Variants in PLCZ1 observed in about 807,000 individuals in gnomAD.
PLCZ1 encodes 1-phosphatidylinositol 4,5-bisphosphate phosphodiesterase zeta-1.
PLCZ1 carries 64 observed loss-of-function variants against 76.8 expected under a neutral mutation model. That is an observed-to-expected ratio of 0.83 (90% CI 0.68 to 1.03). The LOEUF (loss-of-function observed/expected upper bound fraction) is 1.03. Ranked by LOEUF, PLCZ1 falls within the 50% of genes least tolerant of loss-of-function variation. The pLI, the probability that PLCZ1 is intolerant of heterozygous loss-of-function variation, is 0.00. For missense variants in PLCZ1, 751 were observed against 713.7 expected, an observed-to-expected ratio of 1.05 and a Z score of -0.60; for synonymous variants, 248 against 230.8, an observed-to-expected ratio of 1.07 and a Z score of -0.68.
chr12:18,696,909 C>T (rs1219198626), intron 10 of PLCZ1, among the ~76,000 whole-genome samples: 2 of 152,106 alleles, frequency 1.3e-5, no homozygotes, highest in Non-Finnish European at 2.9e-5. Context: ...CTGGGATAAT[C>T]TCTACGTATT....
At chr12:18,670,634 T>C in the PLCZ1 span, among the ~76,000 whole-genome samples, 2 of 152,190 alleles carry the variant, frequency 1.3e-5, no homozygotes, top group Non-Finnish European at 2.9e-5. Flanking sequence ...GCTTGGAATA[T>C]GGTAAGTGGG....
Position 18,712,918 on chromosome 12 carries a change from AC to A in PLCZ1, c.637del (p.Val213TyrfsTer26). ...CWDGAQNEPV[V>X]YHGYTLTSKL... ...GCTTGTGAGTGTGTAGCCATGATAT[AC>A]AACAGGTTCATTTTGTGCTCCATCC... On this transcript the variant is annotated frameshift_variant, in exon 6 of 15. Coordinates refer to ENST00000266505, the MANE Select transcript of PLCZ1 (RefSeq NM_033123.4). LOFTEE classifies it high-confidence loss of function. 6.2e-7 allele frequency: 1 copy of A among 1,613,988 alleles called. No individual in the cohort carries two copies. Among genetic ancestry groups the A allele is most frequent in the Non-Finnish European group, 8.5e-7 (1 of 1,179,888 alleles).
At chr12:18,652,806 TTA>T in the PLCZ1 span, among the ~76,000 whole-genome samples, 1,843 of 152,248 alleles carry the variant, frequency 0.012, 29 homozygotes, top group African/African-American at 0.042. Flanking sequence ...GAAAGAATTA[TTA>T]TGTCTCCAGA....
intron 12 of PLCZ1, chr12:18,694,181 G>A (rs1283354687): frequency 5.6e-5 from 37 of 662,082 alleles, no homozygotes; most frequent in Non-Finnish European, 9.2e-5. Context: ...TTGCCCAGAG[G>A]AATCTCTGTT....
chr12:18,684,530 G>A (rs958213059), intron 13 of PLCZ1, among the ~76,000 whole-genome samples: 5 of 152,094 alleles, frequency 3.3e-5, no homozygotes, highest in African/African-American at 9.6e-5. Context: ...CCATCAGGGT[G>A]GGATGGGAAA....
intron 3 of PLCZ1, among the ~76,000 whole-genome samples, chr12:18,729,723 G>C (rs1202393918): frequency 2.0e-5 from 3 of 151,842 alleles, no homozygotes; most frequent in African/African-American, 4.8e-5. Context: ...AAAAGCAATA[G>C]GCTTTTTTAG....
intron 6 of PLCZ1, among the ~76,000 whole-genome samples, chr12:18,708,488 A>G (rs1232666712): frequency 6.6e-6 from 1 of 152,158 alleles, no homozygotes; most frequent in Non-Finnish European, 1.5e-5. Flanking sequence ...CAAAAACTTT[A>G]TGAGATGGTT....
At chr12:18,677,018 C>T in the PLCZ1 span, among the ~76,000 whole-genome samples, 2 of 151,948 alleles carry the variant, frequency 1.3e-5, no homozygotes, top group African/African-American at 2.4e-5. Context: ...CATAAATCAC[C>T]ATGAACAATA....
the PLCZ1 span, chr12:18,648,295 T>G: frequency 4.1e-6 from 1 of 241,838 alleles, no homozygotes; most frequent in East Asian, 6.0e-5. Context: ...TAAATCATTT[T>G]AATATATTTT....
chr12:18,735,965 G>A (rs1295471512), intron 3 of PLCZ1: 1 of 340,128 alleles, frequency 2.9e-6, no homozygotes, highest in East Asian at 6.6e-5. Flanking sequence ...GATATAATTA[G>A]ACATCCAATC....
the PLCZ1 span, among the ~76,000 whole-genome samples, chr12:18,650,752 A>G: frequency 0.21 from 20,671 of 99,804 alleles, 2,847 homozygotes; most frequent in East Asian, 0.39. Context: ...ATATATATAT[A>G]TATATATATA....
chr12:18,656,206 A>C, the PLCZ1 span, among the ~76,000 whole-genome samples: 51 of 152,228 alleles, frequency 3.4e-4, no homozygotes, highest in African/African-American at 1.2e-3. Flanking sequence ...AGACGGAAGC[A>C]TCATTTGAGC....
chr12:18,733,416 G>C lies in PLCZ1; in HGVS notation c.135+2805C>G, dbSNP rs80105946. Among the ~76,000 whole-genome samples, 1,144 of 152,094 alleles carry C rather than the reference G, an allele frequency of 7.5e-3. 11 individuals are homozygous for C. The highest frequency in any genetic ancestry group is 0.026 in the African/African-American group (1,094 of 41,508). ...TGTAAATTGGCTTTACATTTTTGTT[G>C]ATTGTTTCCTTTGCTGTGCAATAGC... On this transcript the variant is annotated intron_variant, in intron 3 of 14. Transcript: ENST00000266505.
intron 4 of PLCZ1, among the ~76,000 whole-genome samples, chr12:18,720,676 G>A (rs1958385951): frequency 1.3e-5 from 2 of 151,974 alleles, no homozygotes; most frequent in South Asian, 2.1e-4. Context: ...GGTGACATGA[G>A]CATTCACTTG....
the PLCZ1 span, among the ~76,000 whole-genome samples, chr12:18,668,777 G>A: frequency 3.9e-5 from 6 of 152,116 alleles, no homozygotes; most frequent in Non-Finnish European, 1.5e-5. Context: ...AATGCTGCCT[G>A]CTGATATTCA....
At chr12:18,697,061 C>A (rs1955165862) in intron 10 of PLCZ1, among the ~76,000 whole-genome samples, 1 of 152,078 alleles carries the variant, frequency 6.6e-6, no homozygotes, top group Admixed American at 6.6e-5. Flanking sequence ...CCATTTGGCA[C>A]CTTCTTCAAA....
In PLCZ1 at chr12:18,712,866, T is replaced by C. The variant is rs1957508416; in HGVS notation, c.690A>G (p.Gln230=). Residue 230 remains glutamine (Q), a synonymous_variant, in exon 6 of 15, where the codon CAA becomes CAG. Coordinates refer to ENST00000266505, the MANE Select transcript of PLCZ1 (RefSeq NM_033123.4). ...TSKLLFKTVI[Q]AIHKYAFMTS... is the part of the protein sequence containing the mutation. ...CCATGAATGCATACTTGTGTATAGCTTGGATAACAGTTTTAAACAGAAGTT... is the reference window on the plus strand; with the variant it reads ...CCATGAATGCATACTTGTGTATAGCCTGGATAACAGTTTTAAACAGAAGTT... 6.2e-7 allele frequency: 1 copy of C among 1,613,722 alleles called. No individual in the cohort carries two copies. Among genetic ancestry groups the C allele is most frequent in the Admixed American group, 1.7e-5 (1 of 59,996 alleles).
At chr12:18,649,660 A>C in the PLCZ1 span, among the ~76,000 whole-genome samples, 4 of 152,088 alleles carry the variant, frequency 2.6e-5, no homozygotes, top group Non-Finnish European at 4.4e-5. Flanking sequence ...ATTTGCTCCC[A>C]CCATTTCAAT....
At chr12:18,665,635 A>G in the PLCZ1 span, among the ~76,000 whole-genome samples, 1 of 152,068 alleles carries the variant, frequency 6.6e-6, no homozygotes, top group African/African-American at 2.4e-5. Context: ...TGTACTGAAA[A>G]TACAAAAATT....
Sources: allele counts gnomAD v4.1 joint callset (sites outside exome capture counted in the v4.1 genomes callset), GRCh38; gene constraint gnomAD v4.1.1; transcripts MANE v1.5; gene names NCBI Gene and HGNC (gene_info 2026-07-23, HGNC 2026-07-21).